The following BBS9 variants were observed in gnomAD, a reference collection of about 807,000 sequenced individuals.
BBS9 encodes protein PTHB1.
BBS9 carries 89 observed loss-of-function variants against 117.7 expected under a neutral mutation model. That is an observed-to-expected ratio of 0.76 (90% confidence interval 0.64 to 0.90). The LOEUF (loss-of-function observed/expected upper bound fraction) is 0.90. Among genes scored for constraint, BBS9 ranks in the 40% least tolerant of loss-of-function variants. BBS9 has a pLI of 0.00. For synonymous variants in BBS9, 379 were observed against 370.9 expected (o/e 1.02, Z -0.25); for missense variants, 982 against 1,042.2 (o/e 0.94, Z 0.80).
chr7:33,159,256 A>G (rs1008926931), intron 4 of BBS9, among the ~76,000 whole-genome samples: 2 of 152,200 alleles, frequency 1.3e-5, no homozygotes, highest in African/African-American at 2.4e-5. Context: ...TGATGTCACT[A>G]TCACCATTGT....
chr7:33,343,588 T>G (rs992590407), intron 11 of BBS9, among the ~76,000 whole-genome samples: 6 of 149,716 alleles, frequency 4.0e-5, no homozygotes, highest in African/African-American at 1.5e-4. Flanking sequence ...AACCTCCGCC[T>G]CCCGGGTTCA....
intron 19 of BBS9, among the ~76,000 whole-genome samples, chr7:33,468,483 T>C (rs1419913): frequency 0.76 from 115,513 of 152,120 alleles, 44,452 homozygotes; most frequent in African/African-American, 0.88. Flanking sequence ...ACCAGGGTAA[T>C]TGGGGTATCC....
At chr7:33,530,738 T>A (rs1267658686) in intron 20 of BBS9, among the ~76,000 whole-genome samples, 1 of 152,212 alleles carries the variant, frequency 6.6e-6, no homozygotes, top group Non-Finnish European at 1.5e-5. Context: ...GGTAGGAAGC[T>A]GTTTTTATGG....
At chr7:33,439,422 A>T (rs927179641) in intron 19 of BBS9, among the ~76,000 whole-genome samples, 1 of 151,934 alleles carries the variant, frequency 6.6e-6, no homozygotes, top group Non-Finnish European at 1.5e-5. Flanking sequence ...CCATGATTTC[A>T]TAGATTTCTA....
intron 9 of BBS9, among the ~76,000 whole-genome samples, chr7:33,318,448 CT>C (rs1358834056): frequency 6.6e-6 from 1 of 152,260 alleles, no homozygotes; most frequent in East Asian, 1.9e-4. Flanking sequence ...ACAGTGAGGT[CT>C]CTTGTAACCA....
In BBS9 at chr7:33,534,018, C is replaced by T. The variant is rs61753526; in HGVS notation, c.2363C>T (p.Ser788Phe). Residue 788 changes from serine (S) to phenylalanine (F), a missense_variant, in exon 21 of 23, where the codon TCT (serine) becomes TTT (phenylalanine). Transcript: ENST00000242067. ...HLLKTCLSKSSKEQALNLNSQ... is the reference protein window; with the variant it reads ...HLLKTCLSKSFKEQALNLNSQ... Reference sequence around the variant, plus strand: ...TTGAAGACTTGCCTGTCGAAGAGTTCTAAGGAGCAGGCTTTGAACCTCAAC... The same window carrying T: ...TTGAAGACTTGCCTGTCGAAGAGTTTTAAGGAGCAGGCTTTGAACCTCAAC... 1,226 of 1,614,206 alleles carry T rather than the reference C, an allele frequency of 7.6e-4. 1 individual carries two copies. The highest frequency in any genetic ancestry group is 8.2e-4 in the Non-Finnish European group (971 of 1,180,048).
chr7:33,424,483 T>C (rs1211439779), intron 19 of BBS9, among the ~76,000 whole-genome samples: 2 of 152,178 alleles, frequency 1.3e-5, no homozygotes, highest in African/African-American at 2.4e-5. Flanking sequence ...GGTTCCCTGG[T>C]GATTCTGAGG....
intron 5 of BBS9, among the ~76,000 whole-genome samples, chr7:33,211,863 T>C (rs1388734670): frequency 6.6e-6 from 1 of 151,652 alleles, no homozygotes; most frequent in Non-Finnish European, 1.5e-5. Flanking sequence ...GTAAGGGTTT[T>C]TCTTTCCTTC....
intron 20 of BBS9, among the ~76,000 whole-genome samples, chr7:33,527,216 G>GC (rs1323618835): frequency 6.6e-6 from 1 of 152,188 alleles, no homozygotes; most frequent in Admixed American, 6.5e-5. Flanking sequence ...TCTGTGCCCT[G>GC]CCCCCAGAGG....
At chr7:33,304,634 T>C (rs1039152402) in intron 9 of BBS9, among the ~76,000 whole-genome samples, 2 of 152,106 alleles carry the variant, frequency 1.3e-5, no homozygotes, top group Non-Finnish European at 2.9e-5. Flanking sequence ...ACCCAACAGC[T>C]TGGAAGAGAC....
intron 20 of BBS9, among the ~76,000 whole-genome samples, chr7:33,527,947 C>T (rs1585136695): frequency 6.6e-6 from 1 of 152,226 alleles, no homozygotes; most frequent in East Asian, 1.9e-4. Flanking sequence ...AACTAAAGTA[C>T]CAAGTTTTAT....
At chr7:33,446,364 G>T (rs1836994478) in intron 19 of BBS9, among the ~76,000 whole-genome samples, 1 of 152,132 alleles carries the variant, frequency 6.6e-6, no homozygotes, top group South Asian at 2.1e-4. Flanking sequence ...TAAATATTAA[G>T]TTAACATTTA....
intron 9 of BBS9, among the ~76,000 whole-genome samples, chr7:33,309,908 C>T (rs1808854763): frequency 6.6e-6 from 1 of 152,068 alleles, no homozygotes; most frequent in Admixed American, 6.6e-5. Context: ...TTTAGGGATT[C>T]TCATAATTAG....
intron 5 of BBS9, among the ~76,000 whole-genome samples, chr7:33,189,113 C>T (rs1485761793): frequency 3.3e-5 from 5 of 152,190 alleles, no homozygotes; most frequent in African/African-American, 4.8e-5. Context: ...CTCTGCCTCC[C>T]GAGTTCAAGC....
chr7:33,139,198 G>A (rs1433757339), intron 1 of BBS9, among the ~76,000 whole-genome samples: 1 of 151,232 alleles, frequency 6.6e-6, no homozygotes, highest in Admixed American at 6.6e-5. Flanking sequence ...GTTGCGGTGA[G>A]CTGAGATTGT....
intron 5 of BBS9, among the ~76,000 whole-genome samples, chr7:33,193,063 T>C (rs1210268620): frequency 1.3e-5 from 2 of 152,224 alleles, no homozygotes; most frequent in Non-Finnish European, 2.9e-5. Context: ...ATCCATATTA[T>C]GTGGATTTGG....
At chr7:33,352,414 C>T (rs1390057740) in intron 14 of BBS9, among the ~76,000 whole-genome samples, 3 of 151,826 alleles carry the variant, frequency 2.0e-5, no homozygotes, top group Admixed American at 1.3e-4. Flanking sequence ...GAGACGTTAT[C>T]AATAGTATTA....
chr7:33,300,751 T>C (rs932919007), intron 9 of BBS9, among the ~76,000 whole-genome samples: 3 of 152,124 alleles, frequency 2.0e-5, no homozygotes, highest in Admixed American at 1.3e-4. Flanking sequence ...TATTTTAACC[T>C]TCCTCCTTAA....
chr7:33,209,518 C>T (rs1787611001), intron 5 of BBS9, among the ~76,000 whole-genome samples: 1 of 152,136 alleles, frequency 6.6e-6, no homozygotes, highest in African/African-American at 2.4e-5. Context: ...GTGGAACTTC[C>T]TCACTGTTCT....
Sources: gnomAD v4.1 joint callset for allele counts (sites outside exome capture counted in the v4.1 genomes callset) on GRCh38, gnomAD v4.1.1 for gene constraint, MANE v1.5 for transcripts, NCBI Gene and HGNC (gene_info 2026-07-23, HGNC 2026-07-21) for gene names.